The following LARS1 variants were observed in gnomAD, a reference collection of about 807,000 sequenced individuals.
LARS1 encodes leucyl-tRNA synthetase 1, also known as leucine--tRNA ligase, cytoplasmic.
LARS1 carries 100 observed loss-of-function variants against 162.8 expected under a neutral mutation model. The observed-to-expected ratio is 0.61, with a 90% CI of 0.52 to 0.73. The LOEUF (loss-of-function observed/expected upper bound fraction) is 0.73. Ranked by LOEUF, LARS1 falls within the 30% of genes least tolerant of loss-of-function variation. LARS1 has a pLI of 0.00. For synonymous variants in LARS1, 457 were observed against 462.8 expected (o/e 0.99, Z 0.16); for missense variants, 1,258 against 1,408.9 (o/e 0.89, Z 1.71).
intron 2 of LARS1, among the ~76,000 whole-genome samples, chr5:146,173,312 C>T: frequency 6.6e-6 from 1 of 151,300 alleles, no homozygotes; most frequent in East Asian, 1.9e-4. Context: ...GAGATCATGC[C>T]ACTGCACTCC....
chr5:146,176,150 TAAA>T (rs376399270), intron 2 of LARS1, among the ~76,000 whole-genome samples: 34 of 149,470 alleles, frequency 2.3e-4, no homozygotes, highest in Admixed American at 1.7e-3. Context: ...AGACTTTGTC[TAAA>T]AAAAGAAAGA....
chr5:146,143,059 A>G lies in LARS1; in HGVS notation c.1903T>C (p.Trp635Arg). The G allele has an allele frequency of 1.2e-6, 2 of 1,613,428 alleles. No homozygotes were observed. The highest frequency in any genetic ancestry group is 1.7e-6 in the Non-Finnish European group (2 of 1,179,590). ...IRPQQMTKEV[W>R]DYVFFKEAPF... is the part of the protein sequence containing the mutation. Reference sequence around the variant, plus strand: ...GCCTCCTTGAAGAAAACATAATCCCAAACTTCCTTGGTCATCTGTTGCGGT... The same window carrying G: ...GCCTCCTTGAAGAAAACATAATCCCGAACTTCCTTGGTCATCTGTTGCGGT... Residue 635 changes from tryptophan to arginine, a missense_variant, in exon 20 of 32, where the codon TGG becomes CGG. Coordinates refer to ENST00000394434, the MANE Select transcript of LARS1 (RefSeq NM_020117.11).
intron 2 of LARS1, among the ~76,000 whole-genome samples, chr5:146,176,723 T>C (rs927361449): frequency 2.6e-5 from 4 of 152,172 alleles, no homozygotes; most frequent in Non-Finnish European, 5.9e-5. Context: ...CCAAATATCA[T>C]GTCATGATCT....
intron 19 of LARS1, 40 bp from the exon 20 acceptor site, chr5:146,143,124 T>C (rs1176440735): frequency 2.7e-6 from 3 of 1,092,920 alleles, no homozygotes; most frequent in Non-Finnish European, 3.7e-6. Context: ...TATATATATA[T>C]ATGTAATTTC....
chr5:146,142,744 G>T, intron 20 of LARS1, 128 bp downstream of exon 20: 1 of 715,390 alleles, frequency 1.4e-6, no homozygotes, highest in Non-Finnish European at 2.3e-6. Context: ...ACATATTTAA[G>T]ATAAGAAAAA....
intron 1 of LARS1, chr5:146,182,171 C>A (rs1014149396): frequency 2.2e-5 from 8 of 362,910 alleles, no homozygotes; most frequent in Non-Finnish European, 4.2e-5. Flanking sequence ...GAACTCCTGA[C>A]CTCAAATGAT....
At chr5:146,118,764 C>A (rs1437697458) in intron 31 of LARS1, among the ~76,000 whole-genome samples, 1 of 152,078 alleles carries the variant, frequency 6.6e-6, no homozygotes, top group Non-Finnish European at 1.5e-5. Flanking sequence ...GGGATGATGA[C>A]GAAGTTGTAG....
intron 31 of LARS1, among the ~76,000 whole-genome samples, chr5:146,116,348 C>T (rs56278005): frequency 0.22 from 33,866 of 151,970 alleles, 4,828 homozygotes; most frequent in Admixed American, 0.34. Flanking sequence ...TCTGCCTCTG[C>T]CTCTTTCTCT....
chr5:146,151,824 A>C (rs1195695169), intron 14 of LARS1, 38 bp downstream of exon 14: 1 of 1,554,820 alleles, frequency 6.4e-7, no homozygotes, highest in South Asian at 1.1e-5. Flanking sequence ...CAGAGCATGG[A>C]GTAAAGCAAA....
chr5:146,132,712 G>A (rs759057761), intron 23 of LARS1, 186 bp downstream of exon 23: 8 of 453,692 alleles, frequency 1.8e-5, no homozygotes, highest in East Asian at 3.3e-5. Context: ...TGAGGTTAAA[G>A]TCAGATAATG....
At chr5:146,176,847 C>T (rs1754601335) in intron 2 of LARS1, among the ~76,000 whole-genome samples, 1 of 152,006 alleles carries the variant, frequency 6.6e-6, no homozygotes, top group African/African-American at 2.4e-5. Context: ...AAAGAAAAAA[C>T]ATAAAAATTT....
chr5:146,128,555 G>C (rs764798311), intron 27 of LARS1, 117 bp downstream of exon 27: 2 of 554,914 alleles, frequency 3.6e-6, no homozygotes, highest in African/African-American at 4.0e-5. Flanking sequence ...TGCCTAGAGG[G>C]AATGAAACAA....
At chr5:146,135,171 A>ATTT (rs752951458) in intron 22 of LARS1, among the ~76,000 whole-genome samples, 1 of 138,638 alleles carries the variant, frequency 7.2e-6, no homozygotes. Context: ...CACCCAGCTA[A>ATTT]TTTTTTTTTT....
intron 31 of LARS1, among the ~76,000 whole-genome samples, 165 bp from the exon 32 acceptor site, chr5:146,114,476 G>A (rs1764111007): frequency 6.6e-6 from 1 of 152,152 alleles, no homozygotes; most frequent in Non-Finnish European, 1.5e-5. Context: ...GCTCACACCT[G>A]TAATCCCAGC....
At position 146,126,290 on chromosome 5, in the gene LARS1, G is replaced by T. The variant is rs185382810; in HGVS notation, c.2991+145C>A. The T allele has an allele frequency of 2.6e-5, 14 of 539,686 alleles. No individual in the cohort carries two copies. The East Asian group carries it at 3.6e-4, about 14-fold the overall frequency. The allele number at this position is 539,686 out of a possible 1,614,324, so 33.4% of individuals were successfully genotyped here. ...CCACAAGTAAACCCAAAATCTGATA[G>T]ATCATTTCTCTCAGTCATTGATTGA... On this transcript the variant is annotated intron_variant, in intron 28 of 31. Coordinates refer to ENST00000394434, the MANE Select transcript of LARS1 (RefSeq NM_020117.11).
At position 146,164,485 on chromosome 5, in the gene LARS1, AG is replaced by A. The variant is rs756972455; in HGVS notation, c.433-15del. 2.2e-5 allele frequency: 36 copies of A among 1,611,674 alleles called. No homozygotes were observed. The highest frequency in any genetic ancestry group is 3.0e-5 in the Non-Finnish European group (35 of 1,179,020). The stretch of plus-strand genomic sequence containing the variant: ...AGCAGCTTTACTCTGAAAATAATGG[AG>A]AAAAATAAACTCGATCAAAGAATAA... On this transcript the variant is annotated splice_polypyrimidine_tract_variant and intron_variant, in intron 5 of 31. Transcript: ENST00000394434.
rs370484113 is a variant in LARS1, at chr5:146,128,981, C to G, written c.2766G>C (p.Gly922=). The change falls in exon 26 of 32, where the codon GGG becomes GGC. Residue 922 remains glycine (G), a synonymous_variant. Transcript: ENST00000394434. ...AAAAAAAACAAAAAAACTTTACCTT[C>G]CCTTTAGCTGGCATCATATAGTTCT... The part of the protein sequence containing the change: ...RLKNYMMPAK[G]KKTDKQPLQK... 2.8e-5 allele frequency: 44 copies of G among 1,577,812 alleles called. No homozygotes were observed. The African/African-American group carries it at 4.4e-4, about 16-fold the overall frequency.
At chr5:146,130,186 T>C in intron 24 of LARS1, 28 bp from the exon 25 acceptor site, 2 of 1,599,054 alleles carry the variant, frequency 1.3e-6, no homozygotes, top group Non-Finnish European at 1.7e-6. Flanking sequence ...ATTTACCATT[T>C]CCCTCACCTT....
chr5:146,114,081 G>T lies in LARS1; in HGVS notation c.*25C>A. 6.4e-7 allele frequency: 1 copy of T among 1,569,880 alleles called. No individual in the cohort carries two copies. Among genetic ancestry groups the T allele is most frequent in the Non-Finnish European group, 8.8e-7 (1 of 1,141,264 alleles). On this transcript the variant is annotated 3_prime_UTR_variant, in exon 32 of 32. Transcript: ENST00000394434. The stretch of plus-strand genomic sequence containing the variant: ...GAGTAGTAGTATTCCTAAGAAACCA[G>T]GATAAATCTCCAATGTGCATGAGTT...
Sources: allele counts gnomAD v4.1 joint callset (sites outside exome capture counted in the v4.1 genomes callset), GRCh38; gene constraint gnomAD v4.1.1; transcripts MANE v1.5; gene names NCBI Gene and HGNC (gene_info 2026-07-23, HGNC 2026-07-21).